The following CDC42SE2 variants were observed in gnomAD, a reference collection of about 807,000 sequenced individuals.
The protein encoded by CDC42SE2 is CDC42 small effector protein 2.
A neutral mutation model predicts 11.5 loss-of-function variants in CDC42SE2; 3 were observed. The observed-to-expected ratio is 0.26, with a 90% CI of 0.12 to 0.67. CDC42SE2 has a LOEUF of 0.67. Among genes scored for constraint, CDC42SE2 ranks in the 30% least tolerant of loss-of-function variants. The pLI, the probability that CDC42SE2 is intolerant of heterozygous loss-of-function variation, is 0.80. For synonymous variants in CDC42SE2, 33 were observed against 34.8 expected (o/e 0.95, Z 0.18); for missense variants, 82 against 106.8 (o/e 0.77, Z 1.02).
intron 3 of CDC42SE2, among the ~76,000 whole-genome samples, chr5:131,384,810 T>C (rs1212994626): frequency 6.7e-6 from 1 of 149,832 alleles, no homozygotes; most frequent in Non-Finnish European, 1.5e-5. Flanking sequence ...CAGCCAGGCG[T>C]AGTGGTGCGT....
chr5:131,308,298 A>G (rs1324207498), intron 1 of CDC42SE2, among the ~76,000 whole-genome samples: 1 of 151,828 alleles, frequency 6.6e-6, no homozygotes, highest in African/African-American at 2.4e-5. Flanking sequence ...TGTTCCATTG[A>G]TCTATATCTC....
At chr5:131,306,205 A>G (rs1757774190) in intron 1 of CDC42SE2, among the ~76,000 whole-genome samples, 3 of 152,124 alleles carry the variant, frequency 2.0e-5, no homozygotes, top group African/African-American at 4.8e-5. Context: ...CAGCATATCC[A>G]TGCTGTATAT....
intron 1 of CDC42SE2, among the ~76,000 whole-genome samples, chr5:131,288,031 C>T (rs1453953866): frequency 1.3e-5 from 2 of 151,986 alleles, no homozygotes; most frequent in Admixed American, 6.6e-5. Flanking sequence ...ATCGCATGAG[C>T]CCAGGAGTTT....
At chr5:131,373,127 T>G (rs1580784903) in intron 3 of CDC42SE2, among the ~76,000 whole-genome samples, 1 of 152,332 alleles carries the variant, frequency 6.6e-6, no homozygotes, top group East Asian at 1.9e-4. Context: ...CAAAGAGAGA[T>G]ATAGTTATCT....
rs181259801 is a variant in CDC42SE2, at chr5:131,304,011, G to A, written c.-454-11965G>A. ...GTCTTGCTCTCTTGCCCAGGCTGGA[G>A]TGCAGTGGCATGATCACAGCTCACT... On this transcript the variant is annotated intron_variant, in intron 1 of 4. Transcript: ENST00000505065. Among the ~76,000 whole-genome samples the A allele has an allele frequency of 4.0e-5, 6 of 151,674 alleles. 1 individual carries two copies. The highest frequency in any genetic ancestry group is 3.9e-4 in the Admixed American group (6 of 15,226).
chr5:131,350,341 CAA>C (rs148702602), intron 2 of CDC42SE2, among the ~76,000 whole-genome samples: 1 of 147,324 alleles, frequency 6.8e-6, no homozygotes, highest in Non-Finnish European at 1.5e-5. Context: ...TATAAAAATA[CAA>C]AAAAAAAGAA....
rs77029903 is a variant in CDC42SE2 at position 131,286,581 on chromosome 5, A to C, written c.-455+22415A>C. Among the ~76,000 whole-genome samples, 1,479 of 151,850 alleles carry C rather than the reference A, an allele frequency of 9.7e-3. 24 individuals are homozygous for C. The highest frequency in any genetic ancestry group is 0.034 in the African/African-American group (1,394 of 41,370). ...GAACAACATGGGTTTGAACCGTGCA[A>C]TTCCACTTACATGTAGGCTTTCTTT... On this transcript the variant is annotated intron_variant, in intron 1 of 4. Transcript: ENST00000505065.
intron 2 of CDC42SE2, among the ~76,000 whole-genome samples, chr5:131,340,403 A>T (rs1304980056): frequency 6.6e-6 from 1 of 152,058 alleles, no homozygotes; most frequent in East Asian, 1.9e-4. Context: ...AACATAATTT[A>T]TGTAGAGTTT....
At chr5:131,370,164 T>C (rs190779415) in intron 3 of CDC42SE2, among the ~76,000 whole-genome samples, 165 of 152,336 alleles carry the variant, frequency 1.1e-3, no homozygotes, top group Admixed American at 2.0e-3. Flanking sequence ...CCATTGATCA[T>C]AGTAGTCAGA....
chr5:131,359,257 T>C lies in CDC42SE2; in HGVS notation c.-237T>C, dbSNP rs769640669. 1.8e-6 allele frequency: 1 copy of C among 550,560 alleles called. No homozygotes were observed. The highest frequency in any genetic ancestry group is 3.2e-6 in the Non-Finnish European group (1 of 309,368). 34.1% of individuals were successfully genotyped at this position (550,560 alleles called of 1,614,324 possible). ...CAAGACAACAATTTTTATACCTTCG[T>C]CGTGGTTCAGAAAGGAGTCTCTGTA... On this transcript the variant is annotated 5_prime_UTR_variant, in exon 3 of 5. Transcript: ENST00000505065.
intron 1 of CDC42SE2, among the ~76,000 whole-genome samples, chr5:131,295,992 T>G (rs1220108256): frequency 1.3e-5 from 2 of 152,118 alleles, no homozygotes; most frequent in Non-Finnish European, 2.9e-5. Flanking sequence ...GCCAACACAT[T>G]TCTTTTTATC....
At chr5:131,309,166 A>AT (rs1329062060) in intron 1 of CDC42SE2, among the ~76,000 whole-genome samples, 2 of 152,146 alleles carry the variant, frequency 1.3e-5, no homozygotes, top group South Asian at 2.1e-4. Context: ...GTGTTATTGA[A>AT]TTTTGTCAAA....
chr5:131,349,128 A>G (rs1455073963), intron 2 of CDC42SE2, among the ~76,000 whole-genome samples: 1 of 152,230 alleles, frequency 6.6e-6, no homozygotes, highest in Non-Finnish European at 1.5e-5. Context: ...ACAAAAGCCA[A>G]AATTGACAAA....
At chr5:131,251,483 A>T (rs1756637970) in intron 1 of CDC42SE2, among the ~76,000 whole-genome samples, 1 of 152,236 alleles carries the variant, frequency 6.6e-6, no homozygotes, top group East Asian at 1.9e-4. Context: ...GCCTCTTCTA[A>T]CAGGTTCTTA....
intron 1 of CDC42SE2, among the ~76,000 whole-genome samples, chr5:131,267,903 ATTG>A (rs993526137): frequency 2.6e-5 from 4 of 151,890 alleles, no homozygotes; most frequent in African/African-American, 7.3e-5. Flanking sequence ...GATCTGCTGT[ATTG>A]TTCTTATTCT....
the CDC42SE2 span, among the ~76,000 whole-genome samples, chr5:131,240,479 A>G: frequency 3.3e-5 from 5 of 152,312 alleles, no homozygotes; most frequent in East Asian, 9.6e-4. Flanking sequence ...TTTATTCAGA[A>G]CTTAAGCAAG....
rs185966723 is a variant in CDC42SE2, at chr5:131,284,891, T to C, written c.-455+20725T>C. On this transcript the variant is annotated intron_variant, in intron 1 of 4. Coordinates refer to ENST00000505065, the MANE Select transcript of CDC42SE2 (RefSeq NM_001375635.1). ...ATAATAGAGGTTGCCTATGGTGGTG[T>C]GCGCTTTAGTCCCAGCTACATGGGA... 2.0e-5 allele frequency among the ~76,000 whole-genome samples: 3 copies of C among 152,216 alleles called. No individual in the cohort carries two copies. In the East Asian group the frequency reaches 5.8e-4, roughly 29 times the overall value.
intron 1 of CDC42SE2, among the ~76,000 whole-genome samples, chr5:131,313,862 C>T (rs1000564205): frequency 2.0e-5 from 3 of 152,302 alleles, no homozygotes; most frequent in South Asian, 4.1e-4. Flanking sequence ...GAGTCTCACT[C>T]TGTCACCCTG....
At chr5:131,210,991 T>C in the CDC42SE2 span, among the ~76,000 whole-genome samples, 27 of 152,114 alleles carry the variant, frequency 1.8e-4, no homozygotes, top group African/African-American at 5.6e-4. Context: ...GTGTGCACCA[T>C]CACGCCCAGC....
Sources: allele counts gnomAD v4.1 joint callset (sites outside exome capture counted in the v4.1 genomes callset), GRCh38; gene constraint gnomAD v4.1.1; transcripts MANE v1.5; gene names NCBI Gene and HGNC (gene_info 2026-07-23, HGNC 2026-07-21).